Variants in SCGB2B2 observed in about 807,000 individuals in gnomAD.
The protein encoded by SCGB2B2 is secretoglobin family 2B member 2.
SCGB2B2 carries 11 observed loss-of-function variants against 7.6 expected under a neutral mutation model. The ratio of observed to expected loss-of-function variants is 1.45; its 90% CI spans 0.91 to 2.40. The LOEUF (loss-of-function observed/expected upper bound fraction) is 2.40, where lower values mean the gene tolerates loss of function less well. Ranked by LOEUF, SCGB2B2 falls within the 30% of genes most tolerant of loss-of-function variation. SCGB2B2 has a pLI of 0.00. For synonymous variants in SCGB2B2, 50 were observed against 48.6 expected (o/e 1.03, Z -0.12); for missense variants, 104 against 115.4 (o/e 0.90, Z 0.45).
At chr19:34,661,308 A>G (rs1568442790) in intron 1 of SCGB2B2, among the ~76,000 whole-genome samples, 1 of 152,234 alleles carries the variant, frequency 6.6e-6, no homozygotes, top group Non-Finnish European at 1.5e-5. Flanking sequence ...ATGACATTAA[A>G]AAAAAGAAAT....
Position 34,594,652 on chromosome 19 carries a change from CGTGTGTGTGTGTGTGTGT to C in SCGB2B2, c.-107_-90del, listed in dbSNP as rs3055684. On this transcript the variant is annotated 5_prime_UTR_variant, in exon 2 of 4. Transcript: ENST00000601241. Reference sequence around the variant, plus strand: ...TATCTGAACAAGGCACATGCCTCTTCGTGTGTGTGTGTGTGTGTGTGTGTGTGTGTGTGTGTGTGTGTG... The same window carrying C: ...TATCTGAACAAGGCACATGCCTCTTCGTGTGTGTGTGTGTGTGTGTGTGTG... 10,108 of 656,156 alleles carry C rather than the reference CGTGTGTGTGTGTGTGTGT, an allele frequency of 0.015. 74 individuals are homozygous for C. The highest frequency in any genetic ancestry group is 0.055 in the African/African-American group (2,870 of 52,434). The allele number at this position is 656,156 out of a possible 1,614,324, so 40.6% of individuals were successfully genotyped here. A position where few individuals can be genotyped will look rare whatever the true frequency, so the allele number is the denominator to read the frequency against.
chr19:34,665,097 G>A (rs769148543), intron 1 of SCGB2B2, among the ~76,000 whole-genome samples: 8 of 152,104 alleles, frequency 5.3e-5, no homozygotes, highest in African/African-American at 1.4e-4. Flanking sequence ...CTCTGCCACC[G>A]CTCACAGGAC....
chr19:34,671,613 C>T (rs1270612735), intron 1 of SCGB2B2, among the ~76,000 whole-genome samples: 1 of 151,962 alleles, frequency 6.6e-6, no homozygotes, highest in Non-Finnish European at 1.5e-5. Flanking sequence ...AATCCATAAA[C>T]ATTGTGTATC....
chr19:34,639,330 C>T (rs1014020108), intron 1 of SCGB2B2, among the ~76,000 whole-genome samples: 9 of 152,226 alleles, frequency 5.9e-5, no homozygotes, highest in South Asian at 2.1e-4. Context: ...ATCACTACCA[C>T]TTGTTTTCCT....
chr19:34,593,600 C>G lies in SCGB2B2; in HGVS notation c.247-1G>C. The G allele has an allele frequency of 6.4e-7, 1 of 1,552,398 alleles. No homozygotes were observed. Among genetic ancestry groups the G allele is most frequent in the Non-Finnish European group, 8.7e-7 (1 of 1,147,406 alleles). ...AATCGTTGCTCTGAAGGATCTTCTT[C>G]TGTTGGAAAAAGAAGAAAGAGAGGA... is the stretch of plus-strand genomic sequence containing the variant. On this transcript the variant is annotated splice_acceptor_variant, in intron 3 of 3. Transcript: ENST00000601241. LOFTEE classifies it high-confidence loss of function.
At chr19:34,616,516 G>A (rs1403103763) in intron 1 of SCGB2B2, among the ~76,000 whole-genome samples, 5 of 132,062 alleles carry the variant, frequency 3.8e-5, no homozygotes, top group East Asian at 2.0e-4. Context: ...CATGTCCTTC[G>A]CCCACTTTTT....
intron 1 of SCGB2B2, among the ~76,000 whole-genome samples, chr19:34,624,056 C>T (rs1394061974): frequency 6.6e-6 from 1 of 152,032 alleles, no homozygotes; most frequent in Non-Finnish European, 1.5e-5. Context: ...TCAATATGGC[C>T]CCCCAACACA....
intron 1 of SCGB2B2, among the ~76,000 whole-genome samples, chr19:34,608,088 C>T (rs1346775107): frequency 6.6e-6 from 1 of 152,012 alleles, no homozygotes; most frequent in African/African-American, 2.4e-5. Context: ...TCTTTAAATC[C>T]ATGAAAGTAT....
rs1316178581 is a variant in SCGB2B2, at chr19:34,602,612, T to G, written c.-2031-6018A>C. ...AATGAAAAGGAAGAGGAGGGTGAGA[T>G]GAAGTAATTCACTCCCAGCTGACTT... On this transcript the variant is annotated intron_variant, in intron 1 of 3. Transcript: ENST00000601241. 3.3e-5 allele frequency among the ~76,000 whole-genome samples: 5 copies of G among 152,214 alleles called. No homozygotes were observed. In the East Asian group the frequency reaches 5.8e-4, roughly 18 times the overall value.
downstream of SCGB2B2, among the ~76,000 whole-genome samples, chr19:34,587,516 T>C (rs1318191108): frequency 1.3e-5 from 2 of 152,160 alleles, no homozygotes; most frequent in Non-Finnish European, 2.9e-5. Flanking sequence ...TGGATGCCCT[T>C]TGTTTCTTTT....
rs1253444269 is a variant in SCGB2B2, at chr19:34,594,640, C to T, written c.-77G>A. The T allele has an allele frequency of 9.3e-7, 1 of 1,075,516 alleles. No homozygotes were observed. Among genetic ancestry groups the T allele is most frequent in the Non-Finnish European group, 1.4e-6 (1 of 699,980 alleles). The allele number at this position is 1,075,516 out of a possible 1,614,324, so 66.6% of individuals were successfully genotyped here. ...GAGCTTTATGTATATCTGAACAAGG[C>T]ACATGCCTCTTCGTGTGTGTGTGTG... On this transcript the variant is annotated 5_prime_UTR_variant, in exon 2 of 4. Coordinates refer to ENST00000601241, the MANE Select transcript of SCGB2B2 (RefSeq NM_001025591.4).
At chr19:34,658,942 T>C (rs1394257903) in intron 1 of SCGB2B2, among the ~76,000 whole-genome samples, 2 of 151,958 alleles carry the variant, frequency 1.3e-5, no homozygotes, top group Admixed American at 6.6e-5. Flanking sequence ...TTATCCACCA[T>C]GATCAAGTTG....
intron 1 of SCGB2B2, among the ~76,000 whole-genome samples, chr19:34,674,131 G>A (rs1340353808): frequency 6.6e-6 from 1 of 152,170 alleles, no homozygotes; most frequent in African/African-American, 2.4e-5. Context: ...CTCATAATGG[G>A]AAACCACCAT....
intron 1 of SCGB2B2, among the ~76,000 whole-genome samples, chr19:34,668,708 A>G (rs1464125572): frequency 4.6e-5 from 7 of 151,386 alleles, no homozygotes; most frequent in African/African-American, 1.7e-4. Flanking sequence ...TGAATGCACC[A>G]ATCGACACTC....
chr19:34,638,448 CAA>C (rs59332569), intron 1 of SCGB2B2, among the ~76,000 whole-genome samples: 6 of 133,662 alleles, frequency 4.5e-5, no homozygotes, highest in Admixed American at 7.5e-5. Context: ...GTCTCCAAAA[CAA>C]AAAAAAAAAG....
At chr19:34,652,515 T>C (rs1452339800) in intron 1 of SCGB2B2, among the ~76,000 whole-genome samples, 1 of 151,406 alleles carries the variant, frequency 6.6e-6, no homozygotes, top group East Asian at 1.9e-4. Flanking sequence ...TCTCATAAGA[T>C]GACACATACA....
intron 1 of SCGB2B2, among the ~76,000 whole-genome samples, chr19:34,648,337 C>T (rs542116420): frequency 2.0e-5 from 3 of 152,242 alleles, no homozygotes; most frequent in East Asian, 1.9e-4. Flanking sequence ...CAGCTTTTAA[C>T]GATCAAAGGC....
chr19:34,605,922 A>ATCTT lies in SCGB2B2; in HGVS notation c.-2031-9332_-2031-9329dup, dbSNP rs557162149. Among the ~76,000 whole-genome samples the ATCTT allele has an allele frequency of 3.5e-3, 540 of 152,216 alleles. 2 individuals are homozygous for ATCTT. The highest frequency in any genetic ancestry group is 5.7e-3 in the Non-Finnish European group (390 of 68,014). Reference sequence around the variant, plus strand: ...CTTAAAATTTTAAAGGTATCAATGTATCTTTATTAATATTCATTTTTTCAG... The same window carrying ATCTT: ...CTTAAAATTTTAAAGGTATCAATGTATCTTTCTTTATTAATATTCATTTTTTCAG... On this transcript the variant is annotated intron_variant, in intron 1 of 3. Coordinates refer to ENST00000601241, the MANE Select transcript of SCGB2B2 (RefSeq NM_001025591.4).
rs774587331 is a variant in SCGB2B2, at chr19:34,606,511, C to CTTT, written c.-2031-9920_-2031-9918dup. On this transcript the variant is annotated intron_variant, in intron 1 of 3. Transcript: ENST00000601241. ...GGGGTAGGAAACAGGTTTTTCTTTT[C>CTTT]TTTTTCTTTTTTTTTTTGCTGGTGA... Among the ~76,000 whole-genome samples, 155 of 92,620 alleles carry CTTT rather than the reference C, an allele frequency of 1.7e-3. 2 individuals carry two copies. Among genetic ancestry groups the CTTT allele is most frequent in the African/African-American group, 4.8e-3 (146 of 30,734 alleles). 60.8% of individuals were successfully genotyped at this position (92,620 alleles called of 152,430 possible). A position where few individuals can be genotyped will look rare whatever the true frequency, so the allele number is the denominator to read the frequency against.
Sources: allele counts gnomAD v4.1 joint callset (sites outside exome capture counted in the v4.1 genomes callset), GRCh38; gene constraint gnomAD v4.1.1; transcripts MANE v1.5; gene names NCBI Gene and HGNC (gene_info 2026-07-23, HGNC 2026-07-21).